The following CUL3 variants were observed in gnomAD, a reference collection of about 807,000 sequenced individuals.
CUL3 encodes cullin-3.
CUL3 carries 19 observed loss-of-function variants against 89.1 expected under a neutral mutation model. The observed-to-expected ratio is 0.21, with a 90% CI of 0.15 to 0.31. The LOEUF is 0.31. Ranked by LOEUF, CUL3 falls within the 10% of genes least tolerant of loss-of-function variation. CUL3 has a pLI of 1.00. For synonymous variants in CUL3, 351 were observed against 308.4 expected (o/e 1.14, Z -1.45); for missense variants, 469 against 942.3 (o/e 0.50, Z 6.58).
chr2:224,539,445 T>C (rs1054411338), intron 2 of CUL3, among the ~76,000 whole-genome samples: 1 of 152,170 alleles, frequency 6.6e-6, no homozygotes. Context: ...GCAATCACAC[T>C]CCTGAGTTTT....
At chr2:224,506,292 C>T (rs1692597548) in intron 7 of CUL3, among the ~76,000 whole-genome samples, 160 bp from the exon 8 acceptor site, 1 of 152,006 alleles carries the variant, frequency 6.6e-6, no homozygotes, top group African/African-American at 2.4e-5. Flanking sequence ...ATATCTAAGC[C>T]TCTATTAAAA....
At chr2:224,491,908 A>G (rs1319811254) in intron 13 of CUL3, among the ~76,000 whole-genome samples, 2 of 152,178 alleles carry the variant, frequency 1.3e-5, no homozygotes, top group Admixed American at 1.3e-4. Context: ...ATCTTTTCAA[A>G]AAGTTTTCCT....
At chr2:224,527,799 T>A (rs1300745010) in intron 3 of CUL3, among the ~76,000 whole-genome samples, 1 of 151,956 alleles carries the variant, frequency 6.6e-6, no homozygotes, top group Non-Finnish European at 1.5e-5. Context: ...ATGGACCATA[T>A]GAGATTCACT....
chr2:224,483,260 A>T (rs1691594928), intron 13 of CUL3, among the ~76,000 whole-genome samples: 1 of 152,206 alleles, frequency 6.6e-6, no homozygotes, highest in Admixed American at 6.5e-5. Flanking sequence ...TATTCAATGA[A>T]CCAGAAATAC....
At chr2:224,501,546 GT>G (rs1386647606) in intron 10 of CUL3, among the ~76,000 whole-genome samples, 15 of 152,144 alleles carry the variant, frequency 9.9e-5, no homozygotes, top group African/African-American at 3.6e-4. Context: ...CAATGATTTA[GT>G]AATGTAAATT....
chr2:224,529,786 T>C (rs1470285608), intron 3 of CUL3, among the ~76,000 whole-genome samples: 1 of 152,110 alleles, frequency 6.6e-6, no homozygotes, highest in African/African-American at 2.4e-5. Flanking sequence ...GAGTTGATTT[T>C]TGCAACACCG....
rs565890376 is a variant in CUL3 at position 224,527,320 on chromosome 2, T to C, written c.378+8208A>G. The stretch of plus-strand genomic sequence containing the variant: ...CCTAGAATATTGTGAACAAACTTTT[T>C]AAAGAGCTAAAATCATCAAAATGTA... On this transcript the variant is annotated intron_variant, in intron 3 of 15. Coordinates refer to ENST00000264414, the MANE Select transcript of CUL3 (RefSeq NM_003590.5). Among the ~76,000 whole-genome samples the C allele has an allele frequency of 2.8e-4, 43 of 152,348 alleles. 1 individual carries two copies. Among genetic ancestry groups the C allele is most frequent in the Admixed American group, 3.9e-4 (6 of 15,302 alleles).
intron 5 of CUL3, 36 bp from the exon 6 acceptor site, chr2:224,511,618 G>A (rs778451112): frequency 3.3e-6 from 4 of 1,220,284 alleles, no homozygotes; most frequent in South Asian, 1.5e-5. Context: ...TTTAAACATA[G>A]AAGAAAAGAG....
At chr2:224,549,721 C>T (rs572318381) in intron 2 of CUL3, among the ~76,000 whole-genome samples, 252 of 152,144 alleles carry the variant, frequency 1.7e-3, no homozygotes, top group African/African-American at 5.5e-3. Context: ...AGTTTGAATC[C>T]CAAATAGGAA....
chr2:224,584,918 G>A, intron 1 of CUL3, 26 bp downstream of exon 1: 4 of 1,453,374 alleles, frequency 2.8e-6, no homozygotes, highest in Non-Finnish European at 3.7e-6. Flanking sequence ...CGGCCCCGGG[G>A]TCCCGGACGC....
chr2:224,554,799 T>C lies in CUL3; in HGVS notation c.264+2860A>G, dbSNP rs147598586. Among the ~76,000 whole-genome samples, 5 of 152,344 alleles carry C rather than the reference T, an allele frequency of 3.3e-5. No individual in the cohort carries two copies. In the East Asian group the frequency reaches 7.7e-4, roughly 23 times the overall value. ...ATGCCCCTCTTCCAAGTTTACTTCT[T>C]TTCCATTGTTCTTAATCCCATACTC... On this transcript the variant is annotated intron_variant, in intron 2 of 15. Coordinates refer to ENST00000264414, the MANE Select transcript of CUL3 (RefSeq NM_003590.5).
chr2:224,534,548 A>G (rs1693813010), intron 3 of CUL3, among the ~76,000 whole-genome samples: 3 of 152,232 alleles, frequency 2.0e-5, no homozygotes, highest in South Asian at 4.1e-4. Flanking sequence ...ATTGTCATTT[A>G]ACAACTCTTA....
intron 1 of CUL3, among the ~76,000 whole-genome samples, chr2:224,573,518 A>G (rs1695232051): frequency 6.6e-6 from 1 of 152,224 alleles, no homozygotes; most frequent in Non-Finnish European, 1.5e-5. Context: ...ACTTAAAGCC[A>G]GTAAAACTTA....
At chr2:224,549,260 T>C (rs1295986322) in intron 2 of CUL3, among the ~76,000 whole-genome samples, 1 of 150,732 alleles carries the variant, frequency 6.6e-6, no homozygotes, top group Admixed American at 6.6e-5. Flanking sequence ...GAGATTGCAG[T>C]GAGCCAAGAT....
intron 1 of CUL3, chr2:224,563,236 A>G (rs1350537520): frequency 2.1e-6 from 1 of 471,298 alleles, no homozygotes; most frequent in Admixed American, 2.3e-5. Context: ...TTATTCCCCT[A>G]CATCTCTTGT....
intron 1 of CUL3, among the ~76,000 whole-genome samples, chr2:224,580,067 G>A (rs1213011937): frequency 1.3e-5 from 2 of 152,164 alleles, no homozygotes; most frequent in Non-Finnish European, 2.9e-5. Flanking sequence ...AGAATTATTT[G>A]ATCCAGACCC....
intron 12 of CUL3, among the ~76,000 whole-genome samples, 178 bp from the exon 13 acceptor site, chr2:224,496,144 C>CTA (rs1421037450): frequency 6.6e-6 from 1 of 152,180 alleles, no homozygotes; most frequent in Non-Finnish European, 1.5e-5. Context: ...AATCCTCCTA[C>CTA]CTTAGCCTCC....
rs1473021130 is a variant in CUL3, at chr2:224,472,009, A to G, written c.*2236T>C. 1 of 231,102 alleles carries G rather than the reference A, an allele frequency of 4.3e-6. No individual in the cohort carries two copies. Among genetic ancestry groups the G allele is most frequent in the Non-Finnish European group, 8.6e-6 (1 of 116,800 alleles). The allele number at this position is 231,102 out of a possible 1,614,324, so 14.3% of individuals were successfully genotyped here. ...CTTGCTAAAAAGAAAGCAATGTTAA[A>G]TGTATTTTGTTATAACCTTTATGAC... On this transcript the variant is annotated 3_prime_UTR_variant, in exon 16 of 16. Transcript: ENST00000264414.
At chr2:224,498,353 GT>G (rs1692247414) in intron 11 of CUL3, among the ~76,000 whole-genome samples, 1 of 152,060 alleles carries the variant, frequency 6.6e-6, no homozygotes, top group African/African-American at 2.4e-5. Context: ...AAAACTGGTA[GT>G]TTTTCTTGAA....
Sources: gnomAD v4.1 joint callset for allele counts (sites outside exome capture counted in the v4.1 genomes callset) on GRCh38, gnomAD v4.1.1 for gene constraint, MANE v1.5 for transcripts, NCBI Gene and HGNC (gene_info 2026-07-23, HGNC 2026-07-21) for gene names.